MALT1: variants seen among roughly 807,000 people sequenced by gnomAD.
The protein encoded by MALT1 is MALT1 paracaspase.
In MALT1, 36 loss-of-function variants were observed where a neutral mutation model predicts 85.5. The observed-to-expected ratio is 0.42, with a 90% confidence interval of 0.32 to 0.56. MALT1 has a LOEUF of 0.56. Ranked by LOEUF, MALT1 falls within the 20% of genes least tolerant of loss-of-function variation. The pLI, the probability that MALT1 is intolerant of heterozygous loss-of-function variation, is 0.10. For missense variants in MALT1, 716 were observed against 981.6 expected (o/e 0.73, Z 3.62); for synonymous variants, 359 against 361.3 (o/e 0.99, Z 0.07).
intron 3 of MALT1, among the ~76,000 whole-genome samples, chr18:58,699,890 C>T (rs1602299899): frequency 6.6e-6 from 1 of 152,210 alleles, no homozygotes; most frequent in East Asian, 1.9e-4. Flanking sequence ...CTTTCCATAG[C>T]TCTTCTCTGT....
intron 2 of MALT1, among the ~76,000 whole-genome samples, chr18:58,682,131 T>G (rs1000290868): frequency 9.2e-5 from 14 of 152,204 alleles, no homozygotes; most frequent in Non-Finnish European, 2.9e-5. Flanking sequence ...AAGGACCTGA[T>G]GCACTCTATT....
intron 2 of MALT1, chr18:58,690,556 C>A: frequency 6.2e-6 from 1 of 161,762 alleles, no homozygotes; most frequent in South Asian, 1.8e-4. Context: ...ACTTCACGCC[C>A]GGGCTGCCAC....
intron 14 of MALT1, among the ~76,000 whole-genome samples, chr18:58,743,375 T>C (rs1278992781): frequency 6.6e-6 from 1 of 152,110 alleles, no homozygotes. Context: ...AAACTCAGTC[T>C]CAAAAAAAGA....
Position 58,747,773 on chromosome 18 carries a change from T to TTAC in MALT1, c.2406_2407insTAC (p.Asn802_Val803insTyr). On this transcript the variant is annotated inframe_insertion, in exon 17 of 17. Coordinates refer to ENST00000649217, the MANE Select transcript of MALT1 (RefSeq NM_006785.4). Reference sequence around the variant, plus strand: ...CTTCATGTCATTTTAGTAGAAGTAATGTGCCAGTAGAGACAACTGATGAAA... The same window carrying TTAC: ...CTTCATGTCATTTTAGTAGAAGTAATTACGTGCCAGTAGAGACAACTGATGAAA... 6.2e-7 allele frequency: 1 copy of TTAC among 1,614,182 alleles called. No homozygotes were observed. Among genetic ancestry groups the TTAC allele is most frequent in the Non-Finnish European group, 8.5e-7 (1 of 1,180,008 alleles).
chr18:58,695,327 G>A (rs2054572069), intron 2 of MALT1, among the ~76,000 whole-genome samples: 1 of 152,212 alleles, frequency 6.6e-6, no homozygotes, highest in Admixed American at 6.5e-5. Flanking sequence ...CTTCCCTGGG[G>A]CGAGTGAGTG....
chr18:58,688,700 T>C (rs2054448746), intron 2 of MALT1, among the ~76,000 whole-genome samples: 1 of 152,142 alleles, frequency 6.6e-6, no homozygotes. Flanking sequence ...TTTCCATCCT[T>C]CTTGTCTCTT....
rs115533282 is a variant in MALT1 at position 58,708,854 on chromosome 18, G to C, written c.650-524G>C. Among the ~76,000 whole-genome samples, 478 of 152,298 alleles carry C rather than the reference G, an allele frequency of 3.1e-3. 2 individuals carry two copies. The highest frequency in any genetic ancestry group is 0.011 in the African/African-American group (462 of 41,564). ...TCTTTGCCTTCAGGAAACTTAAAGAGTATTAAATGAGTGTTAAGTAAATGA... is the reference window on the plus strand; with the variant it reads ...TCTTTGCCTTCAGGAAACTTAAAGACTATTAAATGAGTGTTAAGTAAATGA... On this transcript the variant is annotated intron_variant, in intron 4 of 16. Transcript: ENST00000649217.
At chr18:58,718,842 G>A (rs12326545) in intron 9 of MALT1, among the ~76,000 whole-genome samples, 59,557 of 152,016 alleles carry the variant, frequency 0.39, 14,265 homozygotes, top group Non-Finnish European at 0.52. Flanking sequence ...TTACCTAAGA[G>A]GCAAAGCCAA....
At chr18:58,734,989 A>G (rs1380329196) in intron 12 of MALT1, among the ~76,000 whole-genome samples, 1 of 152,196 alleles carries the variant, frequency 6.6e-6, no homozygotes, top group Non-Finnish European at 1.5e-5. Flanking sequence ...GATAATTCAC[A>G]TATCACCTCA....
chr18:58,732,737 T>C (rs1294513619), intron 10 of MALT1, among the ~76,000 whole-genome samples: 1 of 134,372 alleles, frequency 7.4e-6, no homozygotes, highest in Non-Finnish European at 1.6e-5. Flanking sequence ...AGGAGACAAA[T>C]GAGTCAGGAG....
At chr18:58,680,763 A>T (rs970910086) in intron 1 of MALT1, among the ~76,000 whole-genome samples, 2 of 151,886 alleles carry the variant, frequency 1.3e-5, no homozygotes, top group African/African-American at 2.4e-5. Context: ...CTCTACTAAA[A>T]ATACAAAAAA....
At chr18:58,735,389 A>G (rs959666478) in intron 13 of MALT1, 60 bp downstream of exon 13, 2 of 1,528,084 alleles carry the variant, frequency 1.3e-6, no homozygotes, top group Non-Finnish European at 1.7e-6. Flanking sequence ...AGACACACCT[A>G]TTCAGGGTTC....
At chr18:58,745,895 A>G (rs2055359828) in intron 16 of MALT1, 104 bp downstream of exon 16, 19 of 1,045,018 alleles carry the variant, frequency 1.8e-5, no homozygotes, top group Non-Finnish European at 2.6e-5. Flanking sequence ...TAAAGTAGAG[A>G]TAACCAGTCT....
chr18:58,687,705 A>G (rs2054425718), intron 2 of MALT1, among the ~76,000 whole-genome samples: 1 of 152,282 alleles, frequency 6.6e-6, no homozygotes, highest in Non-Finnish European at 1.5e-5. Flanking sequence ...GATAAACTAC[A>G]TCAACATTTA....
At chr18:58,696,332 C>CT in intron 2 of MALT1, 34 bp from the exon 3 acceptor site, 1 of 1,185,222 alleles carries the variant, frequency 8.4e-7, no homozygotes, top group Non-Finnish European at 1.1e-6. Flanking sequence ...CCTCTTGTGA[C>CT]TTTAATTTTT....
Position 58,748,631 on chromosome 18 carries a change from CAG to C in MALT1, c.*791_*792del, listed in dbSNP as rs1241103309. 1 of 190,714 alleles carries C rather than the reference CAG, an allele frequency of 5.2e-6. No homozygotes were observed. Among genetic ancestry groups the C allele is most frequent in the Non-Finnish European group, 1.1e-5 (1 of 90,698 alleles). The allele number at this position is 190,714 out of a possible 1,614,324, so 11.8% of individuals were successfully genotyped here. ...ATGGATAATTTTCATAGCTGCCTAT[CAG>C]AATTTCCCAAATATTTAGCATCTTC... On this transcript the variant is annotated 3_prime_UTR_variant, in exon 17 of 17. Transcript: ENST00000649217.
chr18:58,678,320 A>G (rs1352596995), intron 1 of MALT1, among the ~76,000 whole-genome samples: 1 of 152,218 alleles, frequency 6.6e-6, no homozygotes, highest in Non-Finnish European at 1.5e-5. Flanking sequence ...CCCTGGCACT[A>G]TTATGTTTCA....
intron 11 of MALT1, chr18:58,733,949 A>G: frequency 2.6e-6 from 3 of 1,151,714 alleles, no homozygotes; most frequent in Non-Finnish European, 3.2e-6. Flanking sequence ...TCTTCCAGAC[A>G]TGGAATGAGT....
chr18:58,734,721 T>C (rs1427882308), intron 12 of MALT1, among the ~76,000 whole-genome samples: 2 of 152,254 alleles, frequency 1.3e-5, no homozygotes, highest in African/African-American at 4.8e-5. Context: ...CATGGTATCT[T>C]AATTATTAAG....
Sources: gnomAD v4.1 joint callset for allele counts (sites outside exome capture counted in the v4.1 genomes callset) on GRCh38, gnomAD v4.1.1 for gene constraint, MANE v1.5 for transcripts, NCBI Gene and HGNC (gene_info 2026-07-23, HGNC 2026-07-21) for gene names.